The following ZNF567 variants were observed in gnomAD, a reference collection of about 807,000 sequenced individuals.
ZNF567 encodes the protein zinc finger protein 567.
A neutral mutation model predicts 53.9 loss-of-function variants in ZNF567; 36 were observed. The ratio of observed to expected loss-of-function variants is 0.67; its 90% CI spans 0.51 to 0.88. The LOEUF (loss-of-function observed/expected upper bound fraction) is 0.88, where lower values mean the gene tolerates loss of function less well. Among genes scored for constraint, ZNF567 ranks in the 40% least tolerant of loss-of-function variants. ZNF567 has a pLI of 0.00. For missense variants in ZNF567, 619 were observed against 764.7 expected, an observed-to-expected ratio of 0.81 and a Z score of 2.25; for synonymous variants, 224 against 260.4, an observed-to-expected ratio of 0.86 and a Z score of 1.35.
the ZNF567 span, among the ~76,000 whole-genome samples, chr19:36,671,855 C>T: frequency 6.6e-6 from 1 of 152,238 alleles, no homozygotes; most frequent in Non-Finnish European, 1.5e-5. Flanking sequence ...TGAGTGTACA[C>T]AGCAGTACTC....
At chr19:36,668,425 C>G in the ZNF567 span, 1 of 152,376 alleles carries the variant, frequency 6.6e-6, no homozygotes, top group East Asian at 1.9e-4. Context: ...GCCACGTGCA[C>G]AGGGATCTTG....
downstream of ZNF567, among the ~76,000 whole-genome samples, chr19:36,721,732 C>CTTTTTTTTTTTTTTTT (rs756276834): frequency 1.7e-4 from 21 of 121,660 alleles, no homozygotes; most frequent in Admixed American, 1.5e-3. Context: ...GTACCAGAGT[C>CTTTTTTTTTTTTTTTT]TTTTTTTTTT....
At chr19:36,669,965 C>T in the ZNF567 span, among the ~76,000 whole-genome samples, 3 of 152,164 alleles carry the variant, frequency 2.0e-5, no homozygotes, top group African/African-American at 7.2e-5. Context: ...GCCATCTTCC[C>T]AGACAGTTAC....
chr19:36,685,062 C>T (rs2038239679), upstream of ZNF567, among the ~76,000 whole-genome samples: 1 of 152,142 alleles, frequency 6.6e-6, no homozygotes. Context: ...CTGAGGCAGG[C>T]AGATCACGTG....
At chr19:36,669,196 G>A in the ZNF567 span, 2 of 152,158 alleles carry the variant, frequency 1.3e-5, no homozygotes, top group Non-Finnish European at 2.9e-5. Context: ...AGGGGTCCTG[G>A]AGGGACACTG....
the ZNF567 span, among the ~76,000 whole-genome samples, chr19:36,673,176 G>C: frequency 1.3e-5 from 2 of 152,176 alleles, no homozygotes. Flanking sequence ...GGAAGTGTTA[G>C]TTATTTTTGG....
At position 36,720,157 on chromosome 19, in the gene ZNF567, A is replaced by G; in HGVS notation, c.1433A>G (p.Glu478Gly). 3.7e-6 allele frequency: 6 copies of G among 1,613,624 alleles called. No homozygotes were observed. The highest frequency in any genetic ancestry group is 5.1e-6 in the Non-Finnish European group (6 of 1,179,882). The change falls in exon 6 of 6, where the codon GAA (glutamate) becomes GGA (glycine). Residue 478 changes from glutamate to glycine, a missense_variant. Physicochemically the swap from Glu to Gly is moderately conservative, Grantham distance 98. Coordinates refer to ENST00000682579, the MANE Select transcript of ZNF567 (RefSeq NM_001322917.1). The stretch of plus-strand genomic sequence containing the variant: ...ACACATACAGGGGAGAAATCTTATG[A>G]ATGTCCTCACTGTGGGAAGGCCTTT... ...QRTHTGEKSY[E>G]CPHCGKAFRM...
intron 5 of ZNF567, chr19:36,714,421 C>A (rs544237813): frequency 2.3e-5 from 9 of 397,944 alleles, no homozygotes; most frequent in African/African-American, 8.2e-5. Context: ...CTCGGCCTCA[C>A]AAAGTGCTGG....
At chr19:36,723,548 T>A (rs1384162316), downstream of ZNF567, among the ~76,000 whole-genome samples, 1 of 152,260 alleles carries the variant, frequency 6.6e-6, no homozygotes, top group African/African-American at 2.4e-5. Flanking sequence ...ACTTTGAAAC[T>A]TTTGAGGCTG....
intron 3 of ZNF567, among the ~76,000 whole-genome samples, chr19:36,709,643 G>T (rs2039676161): frequency 6.6e-6 from 1 of 151,544 alleles, no homozygotes; most frequent in African/African-American, 2.4e-5. Context: ...TAGCATTTTT[G>T]ATGGTGCAGT....
chr19:36,697,405 T>C (rs546493666), intron 3 of ZNF567, among the ~76,000 whole-genome samples: 10 of 152,246 alleles, frequency 6.6e-5, no homozygotes, highest in African/African-American at 2.4e-4. Flanking sequence ...TGGACAATCC[T>C]GTCATATGTG....
At chr19:36,709,288 T>C (rs1277949250) in intron 3 of ZNF567, among the ~76,000 whole-genome samples, 3 of 152,224 alleles carry the variant, frequency 2.0e-5, no homozygotes, top group Non-Finnish European at 2.9e-5. Flanking sequence ...TGCTCATTTA[T>C]TTACATATTA....
intron 5 of ZNF567, among the ~76,000 whole-genome samples, chr19:36,717,569 T>C (rs944267482): frequency 6.6e-6 from 1 of 152,158 alleles, no homozygotes; most frequent in Non-Finnish European, 1.5e-5. Context: ...AAAAAATGAA[T>C]CTAGACAATA....
chr19:36,713,109 G>A (rs1413458933), intron 5 of ZNF567, among the ~76,000 whole-genome samples: 1 of 151,834 alleles, frequency 6.6e-6, no homozygotes, highest in Non-Finnish European at 1.5e-5. Context: ...CGAGTTCAGA[G>A]CCAGCCTGGA....
chr19:36,695,028 G>T (rs929458478), intron 3 of ZNF567, among the ~76,000 whole-genome samples, 152 bp downstream of exon 3: 1 of 150,260 alleles, frequency 6.7e-6, no homozygotes, highest in African/African-American at 2.5e-5. Context: ...GGTCAGATAA[G>T]ACTCTACCTT....
chr19:36,688,051 T>C (rs1396786354), intron 1 of ZNF567, among the ~76,000 whole-genome samples: 5 of 152,106 alleles, frequency 3.3e-5, no homozygotes, highest in Non-Finnish European at 2.9e-5. Flanking sequence ...CGGTTGTTTA[T>C]GAAAGTGATA....
chr19:36,719,184 C>A lies in ZNF567; in HGVS notation c.460C>A (p.Pro154Thr). The change falls in exon 6 of 6, where the codon CCT (proline) becomes ACT (threonine). Residue 154 changes from proline to threonine, a missense_variant. Coordinates refer to ENST00000682579, the MANE Select transcript of ZNF567 (RefSeq NM_001322917.1). Reference sequence around the variant, plus strand: ...AGAATTAATCATCAGTAATCTAAATCCTGCAAGAAAGAGACTTAGTGAGTA... The same window carrying A: ...AGAATTAATCATCAGTAATCTAAATACTGCAAGAAAGAGACTTAGTGAGTA... ...VSELIISNLN[P>T]ARKRLSEYNG... 1 of 1,613,256 alleles carries A rather than the reference C, an allele frequency of 6.2e-7. No individual in the cohort carries two copies. The highest frequency in any genetic ancestry group is 1.1e-5 in the South Asian group (1 of 90,784).
intron 4 of ZNF567, 50 bp downstream of exon 4, chr19:36,712,562 G>A (rs2039845454): frequency 1.2e-6 from 2 of 1,607,380 alleles, no homozygotes; most frequent in East Asian, 2.2e-5. Flanking sequence ...TCCTCTCAAA[G>A]TGCCTAATTG....
the ZNF567 span, chr19:36,668,530 C>G: frequency 6.6e-6 from 1 of 152,368 alleles, no homozygotes; most frequent in Admixed American, 6.5e-5. Flanking sequence ...AAGCTGGTTG[C>G]GACCAGGAAG....
Sources: allele counts gnomAD v4.1 joint callset (sites outside exome capture counted in the v4.1 genomes callset), GRCh38; gene constraint gnomAD v4.1.1; transcripts MANE v1.5; gene names NCBI Gene and HGNC (gene_info 2026-07-23, HGNC 2026-07-21).